THSD4: variants seen among roughly 807,000 people sequenced by gnomAD.
THSD4 encodes the protein thrombospondin type-1 domain-containing protein 4.
Under a neutral mutation model 119.0 loss-of-function variants are expected in THSD4, and 69 were observed. That is an observed-to-expected ratio of 0.58 (90% CI 0.48 to 0.71). The LOEUF (loss-of-function observed/expected upper bound fraction) is 0.71, where lower values mean the gene tolerates loss of function less well. THSD4 is among the 30% of genes least tolerant of loss of function. The pLI, the probability that THSD4 is intolerant of heterozygous loss-of-function variation, is 0.00. For synonymous variants in THSD4, 524 were observed against 540.4 expected, an observed-to-expected ratio of 0.97 and a Z score of 0.42; for missense variants, 1,393 against 1,391.1, an observed-to-expected ratio of 1.00 and a Z score of -0.02.
chr15:71,520,123 G>T (rs1011776987), intron 7 of THSD4, among the ~76,000 whole-genome samples: 14 of 152,186 alleles, frequency 9.2e-5, no homozygotes, highest in African/African-American at 3.4e-4. Context: ...ATAGGAAACT[G>T]ACAGGGAGTT....
chr15:71,741,854 T>G (rs889590038), intron 11 of THSD4, among the ~76,000 whole-genome samples: 15 of 152,194 alleles, frequency 9.9e-5, no homozygotes, highest in African/African-American at 3.6e-4. Flanking sequence ...AACCTAGGGA[T>G]GTGTTGTTTC....
intron 6 of THSD4, 23 bp downstream of exon 6, chr15:71,256,738 C>T: frequency 3.8e-6 from 6 of 1,593,640 alleles, no homozygotes; most frequent in Non-Finnish European, 5.2e-6. Context: ...CCAGCCCTGT[C>T]CATAGAAGTT....
At chr15:71,445,181 G>A (rs1004280292) in intron 7 of THSD4, among the ~76,000 whole-genome samples, 1 of 152,138 alleles carries the variant, frequency 6.6e-6, no homozygotes, top group Admixed American at 6.5e-5. Flanking sequence ...CTATAGTGCT[G>A]TTACTCTTGG....
chr15:71,246,879 C>T (rs1233086636), intron 5 of THSD4, among the ~76,000 whole-genome samples: 1 of 150,408 alleles, frequency 6.6e-6, no homozygotes, highest in African/African-American at 2.5e-5. Context: ...TCAATCTGGT[C>T]CAAAGTCTTT....
chr15:71,429,758 TAG>T (rs1230048528), intron 7 of THSD4, among the ~76,000 whole-genome samples: 1 of 152,110 alleles, frequency 6.6e-6, no homozygotes, highest in African/African-American at 2.4e-5. Context: ...GAGAGGAAAA[TAG>T]AGTTAGTAGC....
chr15:71,490,780 C>T (rs755663181), intron 7 of THSD4, among the ~76,000 whole-genome samples: 1 of 152,126 alleles, frequency 6.6e-6, no homozygotes, highest in African/African-American at 2.4e-5. Flanking sequence ...TGGCAAACTA[C>T]GGTCAATGGG....
intron 8 of THSD4, among the ~76,000 whole-genome samples, chr15:71,702,975 G>C (rs1201593565): frequency 6.6e-6 from 1 of 151,050 alleles, no homozygotes; most frequent in Non-Finnish European, 1.5e-5. Context: ...AAAGGTTTCT[G>C]ACCCCTGCTC....
intron 3 of THSD4, among the ~76,000 whole-genome samples, chr15:71,193,404 G>A (rs1299480405): frequency 6.6e-6 from 1 of 152,058 alleles, no homozygotes; most frequent in Non-Finnish European, 1.5e-5. Context: ...GAGATATGAC[G>A]CACAGGGAAA....
intron 7 of THSD4, among the ~76,000 whole-genome samples, chr15:71,642,547 A>T (rs1400906609): frequency 6.6e-6 from 1 of 152,156 alleles, no homozygotes; most frequent in Non-Finnish European, 1.5e-5. Flanking sequence ...CTTGGAACCA[A>T]CCCAAATGTC....
chr15:71,388,509 G>A (rs1566965348), intron 6 of THSD4, among the ~76,000 whole-genome samples: 1 of 152,112 alleles, frequency 6.6e-6, no homozygotes, highest in Non-Finnish European at 1.5e-5. Context: ...CTTCCTGTAT[G>A]CCCAGCTTTA....
At chr15:71,100,983 C>CA (rs1175038040) in intron 1 of THSD4, among the ~76,000 whole-genome samples, 4 of 147,086 alleles carry the variant, frequency 2.7e-5, no homozygotes, top group African/African-American at 1.0e-4. Flanking sequence ...CGCTGTCACA[C>CA]AAAAAAATAA....
chr15:71,346,497 G>C (rs908034749), intron 6 of THSD4, among the ~76,000 whole-genome samples: 1 of 152,138 alleles, frequency 6.6e-6, no homozygotes, highest in Non-Finnish European at 1.5e-5. Flanking sequence ...CTTTGGCCTG[G>C]CTTCAGTGTC....
At chr15:71,101,698 G>C (rs961991205) in intron 1 of THSD4, among the ~76,000 whole-genome samples, 3 of 150,912 alleles carry the variant, frequency 2.0e-5, no homozygotes, top group African/African-American at 7.3e-5. Context: ...ATTCTGGATT[G>C]GTAGTTTTCT....
At chr15:71,375,727 G>T (rs970563276) in intron 6 of THSD4, among the ~76,000 whole-genome samples, 2 of 152,110 alleles carry the variant, frequency 1.3e-5, no homozygotes, top group African/African-American at 2.4e-5. Context: ...CTCAAAGTGC[G>T]GTCCCTGGAC....
intron 7 of THSD4, among the ~76,000 whole-genome samples, chr15:71,633,559 G>A (rs1407436084): frequency 6.6e-6 from 1 of 152,182 alleles, no homozygotes; most frequent in Non-Finnish European, 1.5e-5. Flanking sequence ...ACAGGCATAA[G>A]CCACTGTGCC....
At chr15:71,545,021 A>T (rs1170249326) in intron 7 of THSD4, among the ~76,000 whole-genome samples, 1 of 152,136 alleles carries the variant, frequency 6.6e-6, no homozygotes, top group Non-Finnish European at 1.5e-5. Flanking sequence ...GGAAATGGAG[A>T]GGTAGTGTTC....
At chr15:71,295,979 C>T (rs2044856928) in intron 6 of THSD4, among the ~76,000 whole-genome samples, 3 of 152,152 alleles carry the variant, frequency 2.0e-5, no homozygotes, top group African/African-American at 7.2e-5. Flanking sequence ...AATACTGTAG[C>T]ATGTATTGAT....
chr15:71,220,377 G>A (rs2043965378), intron 4 of THSD4, among the ~76,000 whole-genome samples: 1 of 152,182 alleles, frequency 6.6e-6, no homozygotes, highest in Admixed American at 6.5e-5. Context: ...CACATACGTA[G>A]TATAAATCCT....
At chr15:71,765,299 A>G (rs1567142340) in intron 16 of THSD4, 100 bp downstream of exon 16, 2 of 1,385,958 alleles carry the variant, frequency 1.4e-6, no homozygotes, top group East Asian at 4.8e-5. Context: ...CAGCCCTGAA[A>G]GAGATTCCCT....
Sources: gnomAD v4.1 joint callset for allele counts (sites outside exome capture counted in the v4.1 genomes callset) on GRCh38, gnomAD v4.1.1 for gene constraint, MANE v1.5 for transcripts, NCBI Gene and HGNC (gene_info 2026-07-23, HGNC 2026-07-21) for gene names.